PLA2G4E: variants seen among roughly 807,000 people sequenced by gnomAD.
The protein encoded by PLA2G4E is cytosolic phospholipase A2 epsilon.
A neutral mutation model predicts 109.1 loss-of-function variants in PLA2G4E; 84 were observed. The observed-to-expected ratio is 0.77, with a 90% CI of 0.65 to 0.92. The LOEUF is 0.92. PLA2G4E is among the 40% of genes least tolerant of loss of function. The pLI is 0.00. For synonymous variants in PLA2G4E, 469 were observed against 436.1 expected (o/e 1.08, Z -0.94); for missense variants, 1,057 against 1,076.6 (o/e 0.98, Z 0.25).
chr15:42,044,800 G>A (rs1889383520), intron 1 of PLA2G4E, among the ~76,000 whole-genome samples: 1 of 152,060 alleles, frequency 6.6e-6, no homozygotes, highest in Non-Finnish European at 1.5e-5. Context: ...AAAAAGAAAG[G>A]AAGTGATGTG....
At chr15:42,043,487 T>C (rs1449880763) in intron 1 of PLA2G4E, among the ~76,000 whole-genome samples, 2 of 146,060 alleles carry the variant, frequency 1.4e-5, no homozygotes, top group South Asian at 4.3e-4. Flanking sequence ...GAGTCTCTTG[T>C]CCTGGGTGGC....
At chr15:42,001,401 C>G (rs999101047) in intron 6 of PLA2G4E, among the ~76,000 whole-genome samples, 181 bp from the exon 7 acceptor site, 2 of 152,176 alleles carry the variant, frequency 1.3e-5, no homozygotes, top group African/African-American at 4.8e-5. Flanking sequence ...TGCCATCTCA[C>G]TCAGAGATAG....
chr15:42,049,669 G>GTC (rs1389215120), intron 1 of PLA2G4E, among the ~76,000 whole-genome samples: 1 of 152,160 alleles, frequency 6.6e-6, no homozygotes, highest in East Asian at 1.9e-4. Context: ...GACCAGAGGG[G>GTC]TCCATAGGAG....
At position 42,010,139 on chromosome 15, in the gene PLA2G4E, C is replaced by CCCG. The variant is rs267604201; in HGVS notation, c.257-2275_257-2274insCGG. On this transcript the variant is annotated intron_variant, in intron 2 of 19. Transcript: ENST00000399518. ...GGCTTTTCCAGAACACTGGCCCCCC[C>CCCG]ACCCCGGGCCTGGACCACACCCTTC... The CCCG allele has an allele frequency of 9.0e-5, 43 of 476,636 alleles. 2 individuals carry two copies. Among genetic ancestry groups the CCCG allele is most frequent in the Middle Eastern group, 3.6e-4 (1 of 2,804 alleles). The allele number at this position is 476,636 out of a possible 1,614,324, so 29.5% of individuals were successfully genotyped here.
chr15:41,990,318 C>T, intron 13 of PLA2G4E, 83 bp from the exon 14 acceptor site: 1 of 1,245,234 alleles, frequency 8.0e-7, no homozygotes, highest in Non-Finnish European at 1.1e-6. Flanking sequence ...CAATCTGGAC[C>T]CCCGCAGCCA....
chr15:42,001,041 G>A (rs2068412825), intron 7 of PLA2G4E, 116 bp downstream of exon 7: 1 of 1,059,568 alleles, frequency 9.4e-7, no homozygotes, highest in Non-Finnish European at 1.4e-6. Context: ...TTTCAGCCGA[G>A]CTTTTGGTCC....
chr15:42,032,374 C>T (rs1889127807), intron 1 of PLA2G4E, among the ~76,000 whole-genome samples: 1 of 152,236 alleles, frequency 6.6e-6, no homozygotes, highest in South Asian at 2.1e-4. Flanking sequence ...AGTCAAGGGT[C>T]CCTGCCCACC....
intron 5 of PLA2G4E, 27 bp downstream of exon 5, chr15:42,004,911 T>G: frequency 1.3e-6 from 2 of 1,598,742 alleles, no homozygotes; most frequent in Non-Finnish European, 1.7e-6. Flanking sequence ...AGGACCTTGG[T>G]GGGCCCCGGG....
rs1040847104 is a variant in PLA2G4E, at chr15:42,022,564, A to G, written c.184-8807T>C. Among the ~76,000 whole-genome samples, 13 of 152,178 alleles carry G rather than the reference A, an allele frequency of 8.5e-5. 1 individual carries two copies. The highest frequency in any genetic ancestry group is 7.9e-4 in the Admixed American group (12 of 15,270). On this transcript the variant is annotated intron_variant, in intron 1 of 19. Transcript: ENST00000399518. The stretch of plus-strand genomic sequence containing the variant: ...GGGAGAGAGTGACAGATCATCAGGC[A>G]TTAGATTTTCATAAGGAATGTGCAA...
intron 1 of PLA2G4E, among the ~76,000 whole-genome samples, chr15:42,033,969 G>A (rs1889161535): frequency 6.6e-6 from 1 of 152,070 alleles, no homozygotes; most frequent in Non-Finnish European, 1.5e-5. Flanking sequence ...TGGGAGAGAG[G>A]AGTTCAAGTC....
At chr15:42,026,890 T>A (rs1293903381) in intron 1 of PLA2G4E, among the ~76,000 whole-genome samples, 1 of 151,668 alleles carries the variant, frequency 6.6e-6, no homozygotes, top group Non-Finnish European at 1.5e-5. Flanking sequence ...AAAGAACCGC[T>A]TGAACCCAGG....
At chr15:42,035,450 C>G (rs978561234) in intron 1 of PLA2G4E, among the ~76,000 whole-genome samples, 12 of 152,290 alleles carry the variant, frequency 7.9e-5, no homozygotes, top group Middle Eastern at 6.8e-3. Context: ...AGAGTGGGGA[C>G]TCACCCTCGT....
intron 13 of PLA2G4E, among the ~76,000 whole-genome samples, chr15:41,991,984 GA>G (rs34169886): frequency 6.6e-6 from 1 of 152,198 alleles, no homozygotes; most frequent in South Asian, 2.1e-4. Context: ...ATGTGTCCAG[GA>G]AAAGGACCAC....
At chr15:42,000,548 G>T (rs549634138) in intron 7 of PLA2G4E, among the ~76,000 whole-genome samples, 9 of 152,280 alleles carry the variant, frequency 5.9e-5, no homozygotes, top group South Asian at 4.1e-4. Flanking sequence ...CCAGTCCTTG[G>T]CTCAGCTTTG....
intron 1 of PLA2G4E, among the ~76,000 whole-genome samples, chr15:42,018,365 A>G (rs1438840849): frequency 6.6e-6 from 1 of 152,188 alleles, no homozygotes; most frequent in Non-Finnish European, 1.5e-5. Context: ...AAGGACTCAG[A>G]TAAGCTCATC....
intron 19 of PLA2G4E, 141 bp from the exon 20 acceptor site, chr15:41,984,115 C>A (rs2068102151): frequency 1.3e-6 from 1 of 786,110 alleles, no homozygotes. Flanking sequence ...CGCACACCCT[C>A]ACACACGCAC....
intron 13 of PLA2G4E, among the ~76,000 whole-genome samples, chr15:41,991,573 C>T (rs896688357): frequency 3.0e-4 from 46 of 152,062 alleles, no homozygotes; most frequent in African/African-American, 9.4e-4. Flanking sequence ...AAGCCATGTC[C>T]CATTCCTTTC....
exon 20 of PLA2G4E, chr15:41,983,507 C>T: frequency 2.0e-6 from 1 of 503,318 alleles, no homozygotes; most frequent in Non-Finnish European, 3.5e-6. Flanking sequence ...TATGAGACCA[C>T]CTTCTCTATA....
intron 2 of PLA2G4E, among the ~76,000 whole-genome samples, chr15:42,008,445 C>G (rs1300298711): frequency 2.6e-5 from 4 of 152,244 alleles, no homozygotes; most frequent in Non-Finnish European, 5.9e-5. Flanking sequence ...CTGCATCCAG[C>G]CAGGCTCTTC....
Sources: gnomAD v4.1 joint callset for allele counts (sites outside exome capture counted in the v4.1 genomes callset) on GRCh38, gnomAD v4.1.1 for gene constraint, MANE v1.5 for transcripts, NCBI Gene and HGNC (gene_info 2026-07-23, HGNC 2026-07-21) for gene names.